EYA4: variants seen among roughly 807,000 people sequenced by gnomAD.
EYA4 encodes the protein EYA transcriptional coactivator and phosphatase 4.
In EYA4, 31 loss-of-function variants were observed where a neutral mutation model predicts 87.9. The observed-to-expected ratio is 0.35, with a 90% CI of 0.27 to 0.48. The LOEUF (loss-of-function observed/expected upper bound fraction) is 0.48, where lower values mean the gene tolerates loss of function less well. Among genes scored for constraint, EYA4 ranks in the 20% least tolerant of loss-of-function variants. The probability of loss-of-function intolerance (pLI) is 0.99; values close to 1 mark genes in which losing one functional copy is unlikely to be tolerated. For missense variants in EYA4, 678 were observed against 761.4 expected, an observed-to-expected ratio of 0.89 and a Z score of 1.29; for synonymous variants, 263 against 270.6, an observed-to-expected ratio of 0.97 and a Z score of 0.28.
At chr6:133,330,493 A>G (rs1166742253) in intron 2 of EYA4, among the ~76,000 whole-genome samples, 1 of 151,522 alleles carries the variant, frequency 6.6e-6, no homozygotes, top group Non-Finnish European at 1.5e-5. Context: ...CCATTTAAAA[A>G]ATCTCCTCTA....
At chr6:133,340,511 G>GC in intron 2 of EYA4, among the ~76,000 whole-genome samples, 1 of 152,180 alleles carries the variant, frequency 6.6e-6, no homozygotes, top group East Asian at 1.9e-4. Flanking sequence ...GGGTAGGTGA[G>GC]CCCCATTGAT....
intron 1 of EYA4, among the ~76,000 whole-genome samples, chr6:133,267,822 C>T (rs1458535077): frequency 3.3e-5 from 5 of 152,024 alleles, no homozygotes; most frequent in African/African-American, 7.2e-5. Flanking sequence ...TTATATTTTA[C>T]GAGTTTTTTT....
At chr6:133,396,049 T>G (rs1368131363) in intron 3 of EYA4, among the ~76,000 whole-genome samples, 1 of 152,218 alleles carries the variant, frequency 6.6e-6, no homozygotes, top group Non-Finnish European at 1.5e-5. Flanking sequence ...TTTCCTATCT[T>G]AGGATGACTT....
chr6:133,251,964 CA>C (rs1774941999), intron 1 of EYA4, among the ~76,000 whole-genome samples: 1 of 152,140 alleles, frequency 6.6e-6, no homozygotes, highest in African/African-American at 2.4e-5. Flanking sequence ...TAACTTTGCA[CA>C]GAGGGGATTT....
intron 14 of EYA4, 148 bp from the exon 15 acceptor site, chr6:133,512,573 A>G (rs1451179439): frequency 1.5e-5 from 11 of 716,482 alleles, no homozygotes; most frequent in South Asian, 1.5e-5. Flanking sequence ...TTCCCAACAG[A>G]AGAAAACAAG....
At chr6:133,513,628 A>G (rs1799348403) in intron 16 of EYA4, among the ~76,000 whole-genome samples, 2 of 152,130 alleles carry the variant, frequency 1.3e-5, no homozygotes, top group South Asian at 2.1e-4. Flanking sequence ...ACCATTTTAT[A>G]CCCCTTCATA....
intron 2 of EYA4, among the ~76,000 whole-genome samples, chr6:133,286,227 G>C (rs1211828868): frequency 6.6e-6 from 1 of 152,096 alleles, no homozygotes; most frequent in Non-Finnish European, 1.5e-5. Context: ...CTGCATGGGG[G>C]GCACATTCTG....
chr6:133,280,669 A>G (rs2128280642), intron 2 of EYA4, among the ~76,000 whole-genome samples: 1 of 152,292 alleles, frequency 6.6e-6, no homozygotes, highest in Admixed American at 6.5e-5. Context: ...TGCTGGGATT[A>G]CAGGTGTGAG....
At chr6:133,385,461 C>T (rs1188602430) in intron 3 of EYA4, among the ~76,000 whole-genome samples, 1 of 131,190 alleles carries the variant, frequency 7.6e-6, no homozygotes, top group African/African-American at 3.1e-5. Flanking sequence ...GAGAGAGATT[C>T]AGATTGAGAT....
At chr6:133,495,939 T>C (rs1702109687) in intron 13 of EYA4, among the ~76,000 whole-genome samples, 2 of 152,336 alleles carry the variant, frequency 1.3e-5, no homozygotes, top group South Asian at 4.1e-4. Context: ...TGTTAATTAA[T>C]AGTCTTTGAG....
At chr6:133,327,280 G>T (rs2128372606) in intron 2 of EYA4, among the ~76,000 whole-genome samples, 1 of 152,062 alleles carries the variant, frequency 6.6e-6, no homozygotes, top group African/African-American at 2.4e-5. Flanking sequence ...TGAGATTACA[G>T]GTGCCCGCCG....
In EYA4 at chr6:133,265,231, A is replaced by G. The variant is rs1448781889; in HGVS notation, c.-65-9485A>G. 4.6e-5 allele frequency among the ~76,000 whole-genome samples: 7 copies of G among 152,088 alleles called. No individual in the cohort carries two copies. In the East Asian group the frequency reaches 1.2e-3, roughly 25 times the overall value. ...TTGAAAACTGCAGAAGAAATAATCT[A>G]ATATGGAATGGGTGAGGTTGCTACA... On this transcript the variant is annotated intron_variant, in intron 1 of 19. Transcript: ENST00000355286.
chr6:133,404,321 C>T lies in EYA4; in HGVS notation c.83+21880C>T, dbSNP rs189827730. On this transcript the variant is annotated intron_variant, in intron 3 of 19. Transcript: ENST00000355286. ...CAGATAAGATCCCCAGTTACCAAAG[C>T]GATTAATAACATCATTCTGTCCATT... Among the ~76,000 whole-genome samples, 589 of 152,270 alleles carry T rather than the reference C, an allele frequency of 3.9e-3. 4 individuals are homozygous for T. Among genetic ancestry groups the T allele is most frequent in the Non-Finnish European group, 6.6e-3 (451 of 68,014 alleles).
intron 2 of EYA4, among the ~76,000 whole-genome samples, chr6:133,283,743 TG>T (rs904745321): frequency 6.6e-6 from 1 of 152,212 alleles, no homozygotes; most frequent in Non-Finnish European, 1.5e-5. Context: ...TGCATGGTGA[TG>T]AAGTCTGGGC....
intron 11 of EYA4, among the ~76,000 whole-genome samples, chr6:133,476,117 C>G (rs2128694205): frequency 6.6e-6 from 1 of 152,174 alleles, no homozygotes; most frequent in Non-Finnish European, 1.5e-5. Flanking sequence ...TTGCTTGAGT[C>G]CAGGAGTCTG....
chr6:133,305,712 G>A (rs1466607194), intron 2 of EYA4, among the ~76,000 whole-genome samples: 1 of 152,062 alleles, frequency 6.6e-6, no homozygotes, highest in Non-Finnish European at 1.5e-5. Context: ...ACTAACCCAA[G>A]GTGGTAGCTC....
At chr6:133,388,662 A>G (rs922581883) in intron 3 of EYA4, among the ~76,000 whole-genome samples, 8 of 152,282 alleles carry the variant, frequency 5.3e-5, no homozygotes, top group Non-Finnish European at 7.4e-5. Context: ...ATTGTTACTC[A>G]GAGAATAGTT....
chr6:133,283,184 C>G (rs1215505606), intron 2 of EYA4, among the ~76,000 whole-genome samples: 1 of 151,866 alleles, frequency 6.6e-6, no homozygotes, highest in South Asian at 2.1e-4. Context: ...GTCCCAGCTA[C>G]TTAGAAGGCT....
intron 5 of EYA4, chr6:133,453,641 T>C (rs1213007435): frequency 6.6e-6 from 1 of 152,126 alleles, no homozygotes; most frequent in Non-Finnish European, 1.5e-5. Flanking sequence ...GATGCTCACT[T>C]AGTATGAATG....
Sources: gnomAD v4.1 joint callset for allele counts (sites outside exome capture counted in the v4.1 genomes callset) on GRCh38, gnomAD v4.1.1 for gene constraint, MANE v1.5 for transcripts, NCBI Gene and HGNC (gene_info 2026-07-23, HGNC 2026-07-21) for gene names.